Variants in MUC13 observed in about 807,000 individuals in gnomAD.
MUC13 encodes mucin-13.
MUC13 carries 32 observed loss-of-function variants against 48.3 expected under a neutral mutation model. That is an observed-to-expected ratio of 0.66 (90% CI 0.50 to 0.89). The LOEUF is 0.89. MUC13 is among the 40% of genes least tolerant of loss of function. The pLI, the probability that MUC13 is intolerant of heterozygous loss-of-function variation, is 0.00. For missense variants in MUC13, 571 were observed against 622.8 expected, an observed-to-expected ratio of 0.92 and a Z score of 0.88; for synonymous variants, 199 against 224.9, an observed-to-expected ratio of 0.88 and a Z score of 1.03.
At chr3:124,928,913 T>C (rs1935741914) in intron 1 of MUC13, among the ~76,000 whole-genome samples, 1 of 152,168 alleles carries the variant, frequency 6.6e-6, no homozygotes, top group Admixed American at 6.5e-5. Context: ...AGGGAAAGGT[T>C]AGGGTTGGGT....
chr3:124,929,254 C>T (rs1407239412), intron 1 of MUC13, among the ~76,000 whole-genome samples: 1 of 151,134 alleles, frequency 6.6e-6, no homozygotes, highest in Non-Finnish European at 1.5e-5. Flanking sequence ...TAGCTCACTG[C>T]AGCGCTGAAA....
At chr3:124,910,703 T>C (rs544727573) in intron 9 of MUC13, among the ~76,000 whole-genome samples, 36 of 152,254 alleles carry the variant, frequency 2.4e-4, no homozygotes, top group African/African-American at 8.4e-4. Context: ...CAGAACTCAA[T>C]TGGAAAGGGC....
rs2107673474 is a variant in MUC13, at chr3:124,927,920, T to C, written c.126A>G (p.Ala42=). Residue 42 remains alanine (A), a synonymous_variant, in exon 2 of 12, where the codon GCA becomes GCG. Coordinates refer to ENST00000616727, the MANE Select transcript of MUC13 (RefSeq NM_033049.4). ...ETATSGPTVA[A]ADTTETNFPE... Reference sequence around the variant, plus strand: ...GGAAATTAGTTTCAGTGGTATCAGCTGCAGCTACTGTAGGACCACTAGTCG... The same window carrying C: ...GGAAATTAGTTTCAGTGGTATCAGCCGCAGCTACTGTAGGACCACTAGTCG... 2.5e-6 allele frequency: 4 copies of C among 1,607,418 alleles called. No homozygotes were observed. In the East Asian group the frequency reaches 8.9e-5, roughly 36 times the overall value.
At chr3:124,932,711 T>C (rs1025799849) in intron 1 of MUC13, among the ~76,000 whole-genome samples, 1 of 152,172 alleles carries the variant, frequency 6.6e-6, no homozygotes, top group African/African-American at 2.4e-5. Context: ...TCAGTCACTC[T>C]TCAGTATAGG....
intron 9 of MUC13, among the ~76,000 whole-genome samples, chr3:124,910,735 G>T (rs560813269): frequency 6.6e-6 from 1 of 152,202 alleles, no homozygotes; most frequent in Admixed American, 6.5e-5. Flanking sequence ...ACAAAACACT[G>T]TAAATACAAA....
chr3:124,909,485 C>CATGTGTGTGTGTGTGTGT (rs372823172), intron 10 of MUC13, among the ~76,000 whole-genome samples: 92 of 148,454 alleles, frequency 6.2e-4, no homozygotes, highest in South Asian at 1.7e-3. Context: ...TGTGTGCTTG[C>CATGTGTGTGTGTGTGTGT]GTGTGTGTGT....
At chr3:124,915,921 G>T (rs1467570830) in intron 6 of MUC13, among the ~76,000 whole-genome samples, 1 of 152,132 alleles carries the variant, frequency 6.6e-6, no homozygotes, top group Non-Finnish European at 1.5e-5. Flanking sequence ...CAAGGAATCC[G>T]CCCATCTCAG....
chr3:124,923,416 T>C (rs1206906744), intron 3 of MUC13, 111 bp downstream of exon 3: 6 of 1,218,548 alleles, frequency 4.9e-6, no homozygotes, highest in Non-Finnish European at 6.9e-6. Context: ...GCCTCTGCAT[T>C]TTCTTTATCT....
At chr3:124,921,765 T>C (rs527554516) in intron 4 of MUC13, among the ~76,000 whole-genome samples, 61 of 152,358 alleles carry the variant, frequency 4.0e-4, no homozygotes, top group Non-Finnish European at 7.1e-4. Context: ...CAAATTTGAA[T>C]ATAAAAAAGA....
chr3:124,934,701 G>C lies in MUC13; in HGVS notation c.12C>G (p.Ile4Met), dbSNP rs902459780. The C allele has an allele frequency of 1.2e-6, 2 of 1,610,386 alleles. No homozygotes were observed. The highest frequency in any genetic ancestry group is 1.7e-6 in the Non-Finnish European group (2 of 1,176,808). The stretch of plus-strand genomic sequence containing the variant: ...GGAGAGCAAGAAGAGTAAGATGAAT[G>C]ATGGCTTTCATTTTAGCTGTTCTTG... The part of the protein sequence containing the change: MKA[I>M]IHLTLLALLS... Residue 4 changes from isoleucine (I) to methionine (M), a missense_variant, in exon 1 of 12, where the codon ATC becomes ATG. Coordinates refer to ENST00000616727, the MANE Select transcript of MUC13 (RefSeq NM_033049.4).
In MUC13 at chr3:124,922,268, A is replaced by G. The variant is rs538875572; in HGVS notation, c.673T>C (p.Ser225Pro). 3.5e-5 allele frequency: 56 copies of G among 1,613,984 alleles called. No individual in the cohort carries two copies. Among genetic ancestry groups the G allele is most frequent in the Admixed American group, 1.0e-4 (6 of 59,984 alleles). The part of the protein sequence containing the change: ...VFPGKISVTV[S>P]ETFDPEEKHS... ...TTCTCTTCTGGGTCAAATGTTTCTG[A>G]TACTGTCACTGAAATCTTCCCAGGG... The change falls in exon 4 of 12, where the codon TCA becomes CCA. Residue 225 changes from serine to proline, a missense_variant. Ser to Pro is a moderately conservative substitution (Grantham distance 74, BLOSUM62 -1). Coordinates refer to ENST00000616727, the MANE Select transcript of MUC13 (RefSeq NM_033049.4).
intron 1 of MUC13, among the ~76,000 whole-genome samples, chr3:124,932,720 G>T (rs1935818888): frequency 6.6e-6 from 1 of 152,084 alleles, no homozygotes; most frequent in Non-Finnish European, 1.5e-5. Flanking sequence ...CTTCAGTATA[G>T]GGATTTCCCC....
intron 1 of MUC13, among the ~76,000 whole-genome samples, chr3:124,934,449 C>T (rs924982945): frequency 6.6e-6 from 1 of 152,148 alleles, no homozygotes; most frequent in African/African-American, 2.4e-5. Context: ...CGTGAGCCAC[C>T]GCGCCCAGCC....
At chr3:124,928,677 C>T (rs1052451200) in intron 1 of MUC13, among the ~76,000 whole-genome samples, 21 of 152,116 alleles carry the variant, frequency 1.4e-4, no homozygotes, top group African/African-American at 7.2e-5. Context: ...CCACCAGTCC[C>T]GCAGAAGAGT....
At chr3:124,933,632 T>C (rs571051405) in intron 1 of MUC13, among the ~76,000 whole-genome samples, 1 of 152,360 alleles carries the variant, frequency 6.6e-6, no homozygotes, top group African/African-American at 2.4e-5. Flanking sequence ...TTCTCCCTTC[T>C]TCCATAACTT....
chr3:124,928,133 C>T lies in MUC13; in HGVS notation c.53-140G>A, dbSNP rs373584333. On this transcript the variant is annotated intron_variant, in intron 1 of 11. Coordinates refer to ENST00000616727, the MANE Select transcript of MUC13 (RefSeq NM_033049.4). The stretch of plus-strand genomic sequence containing the variant: ...GTTTCCCCAAGTTGCCTAGATTGGT[C>T]ATAAACCCCTGGGCTCAAGCAGTCC... The T allele has an allele frequency of 1.2e-5, 8 of 659,188 alleles. No homozygotes were observed. In the East Asian group the frequency reaches 2.3e-4, roughly 19 times the overall value. The allele number at this position is 659,188 out of a possible 1,614,324, so 40.8% of individuals were successfully genotyped here.
At chr3:124,932,959 G>A (rs917102377) in intron 1 of MUC13, among the ~76,000 whole-genome samples, 15 of 151,726 alleles carry the variant, frequency 9.9e-5, no homozygotes, top group African/African-American at 2.4e-4. Context: ...CCTTTCTACC[G>A]CCCTTCTATT....
chr3:124,910,442 A>G lies in MUC13; in HGVS notation c.1310T>C (p.Met437Thr). The G allele has an allele frequency of 6.2e-7, 1 of 1,614,168 alleles. No homozygotes were observed. Among genetic ancestry groups the G allele is most frequent in the Non-Finnish European group, 8.5e-7 (1 of 1,179,982 alleles). ...GTIAGIVILS[M>T]IIALIVTARS... ...TGCTGTGACAATCAATGCAATTATC[A>G]TGCTGAGAATGACAATGCCAGCGAT... The change falls in exon 10 of 12, where the codon ATG (methionine) becomes ACG (threonine). Residue 437 changes from methionine to threonine, a missense_variant. Physicochemically the swap from Met to Thr is moderately conservative, Grantham distance 81. Coordinates refer to ENST00000616727, the MANE Select transcript of MUC13 (RefSeq NM_033049.4).
chr3:124,927,784 G>C lies in MUC13; in HGVS notation c.262C>G (p.Pro88Ala). 2 of 1,606,630 alleles carry C rather than the reference G, an allele frequency of 1.2e-6. No homozygotes were observed. The highest frequency in any genetic ancestry group is 1.7e-5 in the Admixed American group (1 of 59,558). The change falls in exon 2 of 12, where the codon CCC (proline) becomes GCC (alanine). Residue 88 changes from proline to alanine, a missense_variant. Physicochemically the swap from Pro to Ala is conservative, Grantham distance 27 (BLOSUM62 -1). Coordinates refer to ENST00000616727, the MANE Select transcript of MUC13 (RefSeq NM_033049.4). ...GAGGAACTATGTGTACTAATTATGGGGGGAGCAGGTGTAGGAATTGTGGAG... is the reference window on the plus strand; with the variant it reads ...GAGGAACTATGTGTACTAATTATGGCGGGAGCAGGTGTAGGAATTGTGGAG... ...SSSTIPTPAP[P>A]IISTHSSSTI...
Sources: gnomAD v4.1 joint callset for allele counts (sites outside exome capture counted in the v4.1 genomes callset) on GRCh38, gnomAD v4.1.1 for gene constraint, MANE v1.5 for transcripts, NCBI Gene and HGNC (gene_info 2026-07-23, HGNC 2026-07-21) for gene names.